Variants in KIAA1549L observed in about 807,000 individuals in gnomAD.
The protein encoded by KIAA1549L is KIAA1549 like.
Under a neutral mutation model 160.7 loss-of-function variants are expected in KIAA1549L, and 88 were observed. The observed-to-expected ratio is 0.55, with a 90% confidence interval of 0.46 to 0.65. The LOEUF is 0.65. Among genes scored for constraint, KIAA1549L ranks in the 30% least tolerant of loss-of-function variants. The pLI is 0.00. For missense variants in KIAA1549L, 2,258 were observed against 2,437.5 expected, an observed-to-expected ratio of 0.93 and a Z score of 1.55; for synonymous variants, 950 against 976.7, an observed-to-expected ratio of 0.97 and a Z score of 0.51.
At chr11:33,496,683 G>T (rs1271200400) in intron 1 of KIAA1549L, among the ~76,000 whole-genome samples, 9 of 151,970 alleles carry the variant, frequency 5.9e-5, no homozygotes, top group Non-Finnish European at 1.0e-4. Flanking sequence ...CCACCCCACT[G>T]CCCAGCTGCC....
At chr11:33,550,986 C>G (rs1446925451) in intron 4 of KIAA1549L, 54 bp from the exon 5 acceptor site, 3 of 1,452,200 alleles carry the variant, frequency 2.1e-6, no homozygotes, top group African/African-American at 2.8e-5. Context: ...CCAGGAAGAA[C>G]TTAAAGTGCT....
chr11:33,420,161 A>C (rs1006270942), intron 1 of KIAA1549L, among the ~76,000 whole-genome samples: 6 of 151,058 alleles, frequency 4.0e-5, no homozygotes, highest in African/African-American at 7.3e-5. Context: ...CAGAAGGAGC[A>C]TTGGCAAAGC....
intron 19 of KIAA1549L, among the ~76,000 whole-genome samples, chr11:33,660,207 C>T (rs530366706): frequency 1.3e-3 from 200 of 152,370 alleles, no homozygotes; most frequent in African/African-American, 4.7e-3. Context: ...CCCACTTGGC[C>T]TCTAGGCCAG....
chr11:33,551,173 A>G lies in KIAA1549L; in HGVS notation c.3635A>G (p.Lys1212Arg). Residue 1212 changes from lysine (K) to arginine (R), a missense_variant, in exon 5 of 21, where the codon AAG becomes AGG. Around this residue, in one of 6 missense-constraint regions of KIAA1549L, gnomAD observed 1,359 missense variants for 1,546.6 expected, o/e 0.88. Coordinates refer to ENST00000658780, the MANE Select transcript of KIAA1549L (RefSeq NM_012194.3). ...YGVSNVTADL[K>R]QHTPHLQSVA... ...GTCAGCAACGTCACTGCAGACCTGAAGCAACACACCCCACACTTACAGTCT... is the reference window on the plus strand; with the variant it reads ...GTCAGCAACGTCACTGCAGACCTGAGGCAACACACCCCACACTTACAGTCT... 2 of 1,613,974 alleles carry G rather than the reference A, an allele frequency of 1.2e-6. No individual in the cohort carries two copies. Among genetic ancestry groups the G allele is most frequent in the South Asian group, 2.2e-5 (2 of 91,078 alleles).
intron 1 of KIAA1549L, among the ~76,000 whole-genome samples, chr11:33,444,401 A>G (rs1851569511): frequency 6.6e-6 from 1 of 152,204 alleles, no homozygotes; most frequent in Non-Finnish European, 1.5e-5. Context: ...GGAAAAGGAA[A>G]AGTGTACATT....
intron 13 of KIAA1549L, 76 bp from the exon 14 acceptor site, chr11:33,606,565 G>C: frequency 1.4e-6 from 2 of 1,424,050 alleles, no homozygotes; most frequent in South Asian, 1.3e-5. Context: ...CTTAGGCTGT[G>C]AGTCTAACAT....
intron 1 of KIAA1549L, among the ~76,000 whole-genome samples, 188 bp from the exon 2 acceptor site, chr11:33,541,614 C>G (rs1337262626): frequency 6.6e-6 from 1 of 152,192 alleles, no homozygotes. Context: ...ACCAACCCTG[C>G]CCTGTAGGTT....
chr11:33,573,658 C>T (rs1855347683), intron 9 of KIAA1549L, among the ~76,000 whole-genome samples: 1 of 152,076 alleles, frequency 6.6e-6, no homozygotes, highest in Non-Finnish European at 1.5e-5. Context: ...TCCTGTGAAA[C>T]TCATAATCTG....
chr11:33,617,548 C>T (rs528354745), intron 15 of KIAA1549L, among the ~76,000 whole-genome samples: 2 of 152,300 alleles, frequency 1.3e-5, no homozygotes, highest in Admixed American at 1.3e-4. Context: ...TGAATTGTCA[C>T]CTCCCCAGAG....
chr11:33,438,782 TG>T (rs1156700133), intron 1 of KIAA1549L, among the ~76,000 whole-genome samples: 23 of 151,908 alleles, frequency 1.5e-4, no homozygotes, highest in African/African-American at 5.3e-4. Flanking sequence ...GGATGAGAAG[TG>T]TTCTTCCTCT....
At chr11:33,631,298 C>T (rs1003063256) in intron 16 of KIAA1549L, among the ~76,000 whole-genome samples, 1 of 152,208 alleles carries the variant, frequency 6.6e-6, no homozygotes, top group Admixed American at 6.5e-5. Flanking sequence ...CCTTCAACCA[C>T]CCCCTTGGCT....
At chr11:33,570,519 A>G (rs933096633) in intron 9 of KIAA1549L, among the ~76,000 whole-genome samples, 1 of 152,116 alleles carries the variant, frequency 6.6e-6, no homozygotes, top group African/African-American at 2.4e-5. Context: ...TTCAACTTCT[A>G]CCAGATTCTA....
intron 1 of KIAA1549L, among the ~76,000 whole-genome samples, chr11:33,385,402 G>A (rs936734729): frequency 6.6e-6 from 1 of 152,170 alleles, no homozygotes. Context: ...CCTGTCCTGT[G>A]CATTAGAAGT....
At chr11:33,587,165 T>C (rs549098192) in intron 11 of KIAA1549L, among the ~76,000 whole-genome samples, 9 of 152,252 alleles carry the variant, frequency 5.9e-5, no homozygotes, top group Non-Finnish European at 8.8e-5. Context: ...ACCTATAAGT[T>C]GGCTTTTATT....
chr11:33,590,873 G>A lies in KIAA1549L; in HGVS notation c.4567-364G>A, dbSNP rs149810162. Reference sequence around the variant, plus strand: ...GTGACCAAACATTTCTAGGCAGGAGGTGATCCACAGGACCTGTTTAATGTA... The same window carrying A: ...GTGACCAAACATTTCTAGGCAGGAGATGATCCACAGGACCTGTTTAATGTA... On this transcript the variant is annotated intron_variant, in intron 11 of 20. Transcript: ENST00000658780. 9.2e-5 allele frequency among the ~76,000 whole-genome samples: 14 copies of A among 152,338 alleles called. No individual in the cohort carries two copies. The East Asian group carries it at 2.7e-3, about 29-fold the overall frequency.
At position 33,430,009 on chromosome 11, in the gene KIAA1549L, C is replaced by CCCTTCCTTCCTTCCTTCCTTCCTTCCTT. The variant is rs762169127; in HGVS notation, c.238+53132_238+53159dup. 1.1e-3 allele frequency among the ~76,000 whole-genome samples: 101 copies of CCCTTCCTTCCTTCCTTCCTTCCTTCCTT among 93,382 alleles called. 2 individuals are homozygous for CCCTTCCTTCCTTCCTTCCTTCCTTCCTT. The highest frequency in any genetic ancestry group is 1.3e-3 in the Non-Finnish European group (62 of 46,330). The allele number at this position is 93,382 out of a possible 152,430, so 61.3% of individuals were successfully genotyped here. The stretch of plus-strand genomic sequence containing the variant: ...TCATGTGGCAGCTCTGCTCTGCCCT[C>CCCTTCCTTCCTTCCTTCCTTCCTTCCTT]CCTTCCTTCCTTCCTTCCTTCCTTC... On this transcript the variant is annotated intron_variant, in intron 1 of 20. Transcript: ENST00000658780.
chr11:33,567,329 T>G (rs1007839740), intron 8 of KIAA1549L, among the ~76,000 whole-genome samples: 1 of 152,222 alleles, frequency 6.6e-6, no homozygotes, highest in Admixed American at 6.5e-5. Flanking sequence ...TGATGTACAC[T>G]TTCTTATTGC....
intron 1 of KIAA1549L, among the ~76,000 whole-genome samples, chr11:33,460,792 A>G (rs1851926347): frequency 6.6e-6 from 1 of 152,192 alleles, no homozygotes; most frequent in African/African-American, 2.4e-5. Context: ...TGTTCCTTGC[A>G]AAGACTAGTG....
chr11:33,537,622 C>G (rs1408450949), intron 1 of KIAA1549L, among the ~76,000 whole-genome samples: 2 of 152,206 alleles, frequency 1.3e-5, no homozygotes, highest in Non-Finnish European at 2.9e-5. Flanking sequence ...TAATCTCTCT[C>G]TTTATACCTT....
Sources: gnomAD v4.1 joint callset for allele counts (sites outside exome capture counted in the v4.1 genomes callset) on GRCh38, gnomAD v4.1.1 for gene constraint, gnomAD v4.1.1 regional missense constraint, MANE v1.5 for transcripts, NCBI Gene and HGNC (gene_info 2026-07-23, HGNC 2026-07-21) for gene names.